The following FSTL5 variants were observed in gnomAD, a reference collection of about 807,000 sequenced individuals.
The protein encoded by FSTL5 is follistatin-related protein 5.
A neutral mutation model predicts 89.1 loss-of-function variants in FSTL5; 62 were observed. The observed-to-expected ratio is 0.70, with a 90% CI of 0.57 to 0.86. The LOEUF (loss-of-function observed/expected upper bound fraction) is 0.86, where lower values mean the gene tolerates loss of function less well. FSTL5 is among the 40% of genes least tolerant of loss of function. The probability of loss-of-function intolerance (pLI) is 0.00; values close to 1 mark genes in which losing one functional copy is unlikely to be tolerated. For synonymous variants in FSTL5, 383 were observed against 346.2 expected (o/e 1.11, Z -1.18); for missense variants, 1,057 against 1,001.6 (o/e 1.06, Z -0.75).
chr4:161,609,570 A>C (rs1275936990), intron 7 of FSTL5, among the ~76,000 whole-genome samples: 1 of 152,116 alleles, frequency 6.6e-6, no homozygotes, highest in African/African-American at 2.4e-5. Context: ...CACACTGTTA[A>C]TTTTCCAGAT....
chr4:161,873,079 A>G (rs1732326705), intron 4 of FSTL5, among the ~76,000 whole-genome samples: 1 of 152,118 alleles, frequency 6.6e-6, no homozygotes. Flanking sequence ...GTATTTTTGC[A>G]GGTTTCTAAA....
At chr4:162,007,669 A>T (rs1251668111) in intron 3 of FSTL5, among the ~76,000 whole-genome samples, 6 of 151,878 alleles carry the variant, frequency 4.0e-5, no homozygotes, top group Non-Finnish European at 7.4e-5. Flanking sequence ...TCAGAAGATT[A>T]GCAAATTTGA....
chr4:162,029,164 A>AGTGT (rs1171184495), intron 3 of FSTL5, among the ~76,000 whole-genome samples: 1 of 96,162 alleles, frequency 1.0e-5, no homozygotes, highest in South Asian at 4.0e-4. Context: ...AGAGAGAGAG[A>AGTGT]GAGTGTGTGT....
chr4:161,872,217 G>T (rs1480261172), intron 4 of FSTL5, among the ~76,000 whole-genome samples: 4 of 137,144 alleles, frequency 2.9e-5, no homozygotes, highest in Non-Finnish European at 6.1e-5. Flanking sequence ...GGCTGTACCT[G>T]CCTTGGCCTC....
chr4:161,534,315 C>A (rs1419440146), intron 10 of FSTL5, among the ~76,000 whole-genome samples: 2 of 151,898 alleles, frequency 1.3e-5, no homozygotes, highest in African/African-American at 4.8e-5. Context: ...GAATATGATC[C>A]TATACATAAA....
chr4:161,791,559 A>G (rs993097920), intron 4 of FSTL5, among the ~76,000 whole-genome samples: 1 of 152,216 alleles, frequency 6.6e-6, no homozygotes, highest in African/African-American at 2.4e-5. Context: ...ACCAGTGGGC[A>G]TGGCTGTGTT....
At chr4:161,595,690 G>A (rs1733989655) in intron 7 of FSTL5, among the ~76,000 whole-genome samples, 1 of 151,872 alleles carries the variant, frequency 6.6e-6, no homozygotes, top group African/African-American at 2.4e-5. Context: ...AATGTACAAG[G>A]CAGTAAAAAC....
chr4:162,116,772 C>T (rs1304543355), intron 1 of FSTL5, among the ~76,000 whole-genome samples: 4 of 152,156 alleles, frequency 2.6e-5, no homozygotes, highest in Non-Finnish European at 4.4e-5. Context: ...AGGGAGACAT[C>T]GGTATGGCCT....
At chr4:161,557,845 G>A (rs1732445442) in intron 8 of FSTL5, among the ~76,000 whole-genome samples, 1 of 151,666 alleles carries the variant, frequency 6.6e-6, no homozygotes, top group African/African-American at 2.4e-5. Context: ...TAGAGAATAA[G>A]CCCATATTTG....
intron 6 of FSTL5, among the ~76,000 whole-genome samples, chr4:161,670,700 G>A (rs929379157): frequency 3.3e-5 from 5 of 152,252 alleles, no homozygotes; most frequent in Middle Eastern, 3.4e-3. Flanking sequence ...GTCCCTTTAG[G>A]AGCTTGCAGC....
At chr4:162,136,831 A>G (rs1390499607) in intron 1 of FSTL5, among the ~76,000 whole-genome samples, 1 of 152,054 alleles carries the variant, frequency 6.6e-6, no homozygotes, top group Non-Finnish European at 1.5e-5. Context: ...ATCCTGAAAC[A>G]TTTCTCAGAG....
At chr4:161,491,188 A>G (rs1207292400) in intron 12 of FSTL5, among the ~76,000 whole-genome samples, 1 of 152,062 alleles carries the variant, frequency 6.6e-6, no homozygotes, top group Non-Finnish European at 1.5e-5. Context: ...TGAAAACAAT[A>G]TTGAGAATTC....
In FSTL5 at chr4:161,488,908, ATT is replaced by A. The variant is rs1251226914; in HGVS notation, c.1459-7741_1459-7740del. Among the ~76,000 whole-genome samples the A allele has an allele frequency of 2.0e-5, 3 of 152,234 alleles. 1 individual carries two copies. In the South Asian group the frequency reaches 6.2e-4, roughly 32 times the overall value. ...TTGCATATAGGGCAAGGAGAATTTTATTCTCTCTATCTGGCGTTTGGCAGTCC... is the reference window on the plus strand; with the variant it reads ...TTGCATATAGGGCAAGGAGAATTTTACTCTCTATCTGGCGTTTGGCAGTCC... On this transcript the variant is annotated intron_variant, in intron 12 of 15. Transcript: ENST00000306100.
At chr4:161,392,094 A>G (rs1730840572) in intron 15 of FSTL5, among the ~76,000 whole-genome samples, 1 of 152,218 alleles carries the variant, frequency 6.6e-6, no homozygotes, top group Non-Finnish European at 1.5e-5. Flanking sequence ...AGGCAAAATC[A>G]AAACCGAAAT....
chr4:161,624,485 T>A (rs1735245633), intron 7 of FSTL5, among the ~76,000 whole-genome samples: 1 of 151,816 alleles, frequency 6.6e-6, no homozygotes, highest in Non-Finnish European at 1.5e-5. Flanking sequence ...ATTAAATGTA[T>A]ATTTATCATT....
At chr4:161,664,077 C>T (rs547137656) in intron 6 of FSTL5, among the ~76,000 whole-genome samples, 1 of 152,322 alleles carries the variant, frequency 6.6e-6, no homozygotes. Flanking sequence ...GGGCCTGGCA[C>T]AGGAAACCAC....
In FSTL5 at chr4:161,584,286, T is replaced by C. The variant is rs1250446973; in HGVS notation, c.1015+3169A>G. Among the ~76,000 whole-genome samples the C allele has an allele frequency of 2.6e-5, 4 of 152,318 alleles. No homozygotes were observed. In the East Asian group the frequency reaches 7.7e-4, roughly 29 times the overall value. ...ACGTAATGCAAAAAGGACGTCCTCA[T>C]GCTCCTACACTGTGAATCTTTTCCC... On this transcript the variant is annotated intron_variant, in intron 8 of 15. Coordinates refer to ENST00000306100, the MANE Select transcript of FSTL5 (RefSeq NM_020116.5).
At chr4:161,458,650 T>A (rs1249857753) in intron 14 of FSTL5, among the ~76,000 whole-genome samples, 1 of 152,192 alleles carries the variant, frequency 6.6e-6, no homozygotes, top group Non-Finnish European at 1.5e-5. Flanking sequence ...CCCATTTTCT[T>A]TCTGTTTCTG....
intron 4 of FSTL5, among the ~76,000 whole-genome samples, chr4:161,837,729 T>C (rs1731091123): frequency 6.6e-6 from 1 of 152,112 alleles, no homozygotes; most frequent in South Asian, 2.1e-4. Context: ...AAAAACAAAA[T>C]GCTTTATAAA....
Sources: allele counts gnomAD v4.1 joint callset (sites outside exome capture counted in the v4.1 genomes callset), GRCh38; gene constraint gnomAD v4.1.1; transcripts MANE v1.5; gene names NCBI Gene and HGNC (gene_info 2026-07-23, HGNC 2026-07-21).